The following TMEM132D variants were observed in gnomAD, a reference collection of about 807,000 sequenced individuals.
TMEM132D encodes mature OL transmembrane protein.
In TMEM132D, 21 loss-of-function variants were observed where a neutral mutation model predicts 62.3. That is an observed-to-expected ratio of 0.34 (90% CI 0.24 to 0.49). TMEM132D has a LOEUF of 0.49. Among genes scored for constraint, TMEM132D ranks in the 20% least tolerant of loss-of-function variants. The probability of loss-of-function intolerance (pLI) is 0.99; values close to 1 mark genes in which losing one functional copy is unlikely to be tolerated. For missense variants in TMEM132D, 1,346 were observed against 1,402.8 expected, an observed-to-expected ratio of 0.96 and a Z score of 0.65; for synonymous variants, 621 against 575.6, an observed-to-expected ratio of 1.08 and a Z score of -1.13.
intron 3 of TMEM132D, among the ~76,000 whole-genome samples, chr12:129,510,568 G>A (rs181606619): frequency 1.3e-4 from 20 of 152,256 alleles, no homozygotes; most frequent in Admixed American, 5.9e-4. Context: ...TTTCCCTGAC[G>A]TCTTCTTGCA....
intron 4 of TMEM132D, among the ~76,000 whole-genome samples, chr12:129,311,141 T>G (rs1881963648): frequency 1.2e-5 from 1 of 82,648 alleles, no homozygotes; most frequent in African/African-American, 6.3e-5. Flanking sequence ...GAGCTTGCAG[T>G]GAGCCGAGAT....
At chr12:129,286,474 C>A (rs1881299053) in intron 4 of TMEM132D, among the ~76,000 whole-genome samples, 2 of 152,120 alleles carry the variant, frequency 1.3e-5, no homozygotes, top group African/African-American at 4.8e-5. Flanking sequence ...AAATTAAGAG[C>A]ACAGTATATG....
intron 2 of TMEM132D, among the ~76,000 whole-genome samples, chr12:129,628,561 T>C (rs1383384200): frequency 6.6e-6 from 1 of 152,220 alleles, no homozygotes; most frequent in Non-Finnish European, 1.5e-5. Flanking sequence ...GGAACTCTGC[T>C]AGACTTTGGG....
chr12:129,459,903 T>G (rs1384718272), intron 3 of TMEM132D, among the ~76,000 whole-genome samples: 2 of 152,188 alleles, frequency 1.3e-5, no homozygotes, highest in Non-Finnish European at 2.9e-5. Flanking sequence ...ATATTAAGAT[T>G]AGCAGTGATG....
At chr12:129,538,679 A>C (rs578153184) in intron 2 of TMEM132D, among the ~76,000 whole-genome samples, 12 of 152,376 alleles carry the variant, frequency 7.9e-5, no homozygotes, top group Middle Eastern at 3.4e-3. Context: ...AGTTATGGCA[A>C]TGCGGTCTCT....
intron 3 of TMEM132D, among the ~76,000 whole-genome samples, chr12:129,510,534 T>C (rs1006809237): frequency 6.6e-6 from 1 of 152,194 alleles, no homozygotes; most frequent in Non-Finnish European, 1.5e-5. Flanking sequence ...AAGAAATCTT[T>C]GCCCAGATCA....
At chr12:129,382,064 G>A (rs1196481254) in intron 3 of TMEM132D, among the ~76,000 whole-genome samples, 3 of 152,148 alleles carry the variant, frequency 2.0e-5, no homozygotes, top group Non-Finnish European at 4.4e-5. Context: ...GTTGCTGGTG[G>A]TACAAGTCTG....
intron 2 of TMEM132D, among the ~76,000 whole-genome samples, chr12:129,649,891 TG>T (rs1879883476): frequency 2.0e-5 from 3 of 149,982 alleles, no homozygotes; most frequent in Admixed American, 6.6e-5. Flanking sequence ...TGTATATGTG[TG>T]TTTGTGTGTG....
rs1001147416 is a variant in TMEM132D, at chr12:129,356,864, G to A, written c.1116-19047C>T. On this transcript the variant is annotated intron_variant, in intron 3 of 8. Coordinates refer to ENST00000422113, the MANE Select transcript of TMEM132D (RefSeq NM_133448.3). Reference sequence around the variant, plus strand: ...TGGGTGAAAGAGTGAGACAAAGAAAGGAAGGAAAGAAAAGAAAGAAACAAA... The same window carrying A: ...TGGGTGAAAGAGTGAGACAAAGAAAAGAAGGAAAGAAAAGAAAGAAACAAA... 1.5e-4 allele frequency among the ~76,000 whole-genome samples: 20 copies of A among 131,650 alleles called. 1 individual carries two copies. Among genetic ancestry groups the A allele is most frequent in the African/African-American group, 5.4e-4 (19 of 35,340 alleles). 86.4% of individuals were successfully genotyped at this position (131,650 alleles called of 152,430 possible). A position where few individuals can be genotyped will look rare whatever the true frequency, so the allele number is the denominator to read the frequency against.
chr12:129,095,417 C>T lies in TMEM132D; in HGVS notation c.1444-10715G>A, dbSNP rs137944619. Among the ~76,000 whole-genome samples the T allele has an allele frequency of 3.9e-3, 523 of 133,384 alleles. 2 individuals are homozygous for T. The highest frequency in any genetic ancestry group is 0.014 in the African/African-American group (503 of 35,476). 87.5% of individuals were successfully genotyped at this position (133,384 alleles called of 152,430 possible). A position where few individuals can be genotyped will look rare whatever the true frequency, so the allele number is the denominator to read the frequency against. ...CAGGCTGGAGTGGAGTGAAGTGGTG[C>T]GATCTTGGCTCACTGCAACCTCTGC... On this transcript the variant is annotated intron_variant, in intron 5 of 8. Coordinates refer to ENST00000422113, the MANE Select transcript of TMEM132D (RefSeq NM_133448.3).
At chr12:129,321,354 GAA>G (rs1281346955) in intron 4 of TMEM132D, among the ~76,000 whole-genome samples, 1 of 152,166 alleles carries the variant, frequency 6.6e-6, no homozygotes, top group Non-Finnish European at 1.5e-5. Flanking sequence ...TACCAAAATA[GAA>G]ACTTCCCAAA....
intron 3 of TMEM132D, among the ~76,000 whole-genome samples, chr12:129,459,887 G>T (rs924545204): frequency 1.2e-4 from 19 of 152,134 alleles, no homozygotes; most frequent in African/African-American, 4.1e-4. Context: ...ATCCGATTAG[G>T]ATTTCATATT....
intron 3 of TMEM132D, among the ~76,000 whole-genome samples, chr12:129,473,034 T>C (rs12815138): frequency 0.19 from 28,901 of 151,938 alleles, 3,108 homozygotes; most frequent in Non-Finnish European, 0.24. Context: ...CCGGCTAATT[T>C]TTGTATTTTT....
chr12:129,289,900 A>G (rs902182397), intron 4 of TMEM132D, among the ~76,000 whole-genome samples: 1 of 152,174 alleles, frequency 6.6e-6, no homozygotes, highest in Non-Finnish European at 1.5e-5. Flanking sequence ...AGTGTAAGAA[A>G]TTATTCTGGA....
intron 2 of TMEM132D, among the ~76,000 whole-genome samples, chr12:129,554,947 T>C (rs772177045): frequency 2.0e-5 from 3 of 152,190 alleles, no homozygotes; most frequent in Non-Finnish European, 4.4e-5. Context: ...TCCAGTCGCT[T>C]GCATAATTCT....
intron 1 of TMEM132D, among the ~76,000 whole-genome samples, chr12:129,754,181 C>T (rs1870092665): frequency 6.6e-6 from 1 of 152,152 alleles, no homozygotes; most frequent in African/African-American, 2.4e-5. Flanking sequence ...ATTCTTCACC[C>T]CGCCTGACCT....
chr12:129,561,396 C>T (rs1430244673), intron 2 of TMEM132D, among the ~76,000 whole-genome samples: 2 of 152,224 alleles, frequency 1.3e-5, no homozygotes. Context: ...TTCTCCAGAA[C>T]TAATTTCATT....
At chr12:129,512,427 C>T (rs865819955) in intron 3 of TMEM132D, among the ~76,000 whole-genome samples, 1 of 152,166 alleles carries the variant, frequency 6.6e-6, no homozygotes, top group Non-Finnish European at 1.5e-5. Context: ...AAGAGACGAG[C>T]CCTTCTTAGA....
chr12:129,649,341 T>G (rs1391075889), intron 2 of TMEM132D, among the ~76,000 whole-genome samples: 1 of 152,118 alleles, frequency 6.6e-6, no homozygotes, highest in South Asian at 2.1e-4. Flanking sequence ...AACTTGGAAT[T>G]GCTTTAATAT....
Sources: allele counts gnomAD v4.1 joint callset (sites outside exome capture counted in the v4.1 genomes callset), GRCh38; gene constraint gnomAD v4.1.1; transcripts MANE v1.5; gene names NCBI Gene and HGNC (gene_info 2026-07-23, HGNC 2026-07-21).